SUGCT: variants seen among roughly 807,000 people sequenced by gnomAD.
The protein encoded by SUGCT is succinyl-CoA:glutarate-CoA transferase.
In SUGCT, 41 loss-of-function variants were observed where a neutral mutation model predicts 55.0. That is an observed-to-expected ratio of 0.74 (90% CI 0.58 to 0.97). The LOEUF is 0.97. Ranked by LOEUF, SUGCT falls within the 50% of genes least tolerant of loss-of-function variation. The pLI is 0.00. For synonymous variants in SUGCT, 187 were observed against 200.4 expected, an observed-to-expected ratio of 0.93 and a Z score of 0.56; for missense variants, 568 against 547.8, an observed-to-expected ratio of 1.04 and a Z score of -0.37.
At chr7:40,311,602 C>G (rs747368175) in intron 8 of SUGCT, among the ~76,000 whole-genome samples, 6 of 152,066 alleles carry the variant, frequency 3.9e-5, no homozygotes, top group Non-Finnish European at 8.8e-5. Flanking sequence ...CTATGCCAAC[C>G]CCTTTCCTGC....
chr7:40,379,663 G>A (rs1383335261), intron 9 of SUGCT, among the ~76,000 whole-genome samples: 1 of 152,148 alleles, frequency 6.6e-6, no homozygotes, highest in Non-Finnish European at 1.5e-5. Context: ...CTGTCTTCAA[G>A]TATTTGCTGA....
chr7:40,904,033 C>T, the SUGCT span, among the ~76,000 whole-genome samples: 285 of 152,304 alleles, frequency 1.9e-3, 3 homozygotes, highest in Middle Eastern at 0.02. Flanking sequence ...CCTTCCTAGC[C>T]GGCCAACCAC....
rs114862234 is a variant in SUGCT, at chr7:40,242,690, G to C, written c.576+4964G>C. 4.6e-3 allele frequency among the ~76,000 whole-genome samples: 699 copies of C among 151,478 alleles called. 6 individuals are homozygous for C. Among genetic ancestry groups the C allele is most frequent in the African/African-American group, 0.016 (667 of 41,344 alleles). On this transcript the variant is annotated intron_variant, in intron 7 of 13. Transcript: ENST00000335693. Reference sequence around the variant, plus strand: ...TTACGATGTAGTAAATAGTCCATTTGAAAGAGTGGGAGAGCACTCAAAGAG... The same window carrying C: ...TTACGATGTAGTAAATAGTCCATTTCAAAGAGTGGGAGAGCACTCAAAGAG...
intron 5 of SUGCT, among the ~76,000 whole-genome samples, chr7:40,192,756 C>T (rs961561720): frequency 1.7e-4 from 26 of 151,326 alleles, no homozygotes; most frequent in African/African-American, 4.8e-4. Flanking sequence ...CTCAGCCTCC[C>T]GAGTAGCTGG....
At position 40,815,024 on chromosome 7, in the gene SUGCT, CT is replaced by C. The variant is rs533426046; in HGVS notation, c.1154-45290del. Among the ~76,000 whole-genome samples the C allele has an allele frequency of 1.2e-4, 19 of 152,298 alleles. No individual in the cohort carries two copies. In the South Asian group the frequency reaches 3.7e-3, roughly 30 times the overall value. ...TGGGCTCTGCAGTTTGACCTACAAGCTTGTAGATGGCGCTTATAGGTAAGAG... is the reference window on the plus strand; with the variant it reads ...TGGGCTCTGCAGTTTGACCTACAAGCTGTAGATGGCGCTTATAGGTAAGAG... On this transcript the variant is annotated intron_variant, in intron 13 of 13. Coordinates refer to ENST00000335693, the MANE Select transcript of SUGCT (RefSeq NM_001193313.2).
At chr7:40,323,469 C>T (rs1795853434) in intron 9 of SUGCT, among the ~76,000 whole-genome samples, 1 of 152,044 alleles carries the variant, frequency 6.6e-6, no homozygotes, top group African/African-American at 2.4e-5. Flanking sequence ...GTGATCATAG[C>T]ACATTGCAGC....
chr7:40,246,826 T>C (rs1789915732), intron 7 of SUGCT, among the ~76,000 whole-genome samples: 1 of 151,602 alleles, frequency 6.6e-6, no homozygotes, highest in Admixed American at 6.6e-5. Flanking sequence ...CTTGAACTCC[T>C]GGTCTCCAGC....
chr7:40,942,907 T>C, the SUGCT span, among the ~76,000 whole-genome samples: 1 of 152,142 alleles, frequency 6.6e-6, no homozygotes, highest in Admixed American at 6.5e-5. Context: ...TTTCCAGAAG[T>C]TCTGATTACT....
At chr7:40,958,374 T>A in the SUGCT span, among the ~76,000 whole-genome samples, 1 of 151,952 alleles carries the variant, frequency 6.6e-6, no homozygotes, top group South Asian at 2.1e-4. Flanking sequence ...TCATTCTTTT[T>A]TCTCTAATCT....
intron 7 of SUGCT, among the ~76,000 whole-genome samples, chr7:40,243,801 T>A (rs1330058332): frequency 2.0e-5 from 3 of 152,186 alleles, no homozygotes; most frequent in African/African-American, 7.2e-5. Context: ...CCTCACAATT[T>A]AAAAAAACTT....
chr7:40,577,722 C>T (rs1046732769), intron 12 of SUGCT, among the ~76,000 whole-genome samples: 3 of 152,096 alleles, frequency 2.0e-5, no homozygotes, highest in African/African-American at 4.8e-5. Context: ...ATTTCCCCTT[C>T]GCTTTCCAGT....
chr7:40,540,750 T>G (rs1043524408), intron 12 of SUGCT, among the ~76,000 whole-genome samples: 1 of 152,246 alleles, frequency 6.6e-6, no homozygotes, highest in African/African-American at 2.4e-5. Flanking sequence ...TCCCTGCACA[T>G]GGGACCGAGG....
At chr7:40,695,228 G>T (rs765064429) in intron 12 of SUGCT, among the ~76,000 whole-genome samples, 43 of 148,326 alleles carry the variant, frequency 2.9e-4, no homozygotes, top group Admixed American at 6.1e-4. Flanking sequence ...TTGAGACAGG[G>T]TCTCTGCTGC....
At chr7:40,917,527 A>G in the SUGCT span, among the ~76,000 whole-genome samples, 6 of 152,174 alleles carry the variant, frequency 3.9e-5, no homozygotes, top group Admixed American at 1.3e-4. Context: ...GGGCCTTGCC[A>G]TCATCTGCAT....
chr7:40,995,205 G>A, the SUGCT span, among the ~76,000 whole-genome samples: 59 of 151,982 alleles, frequency 3.9e-4, no homozygotes, highest in Non-Finnish European at 7.2e-4. Context: ...AGAGTCAACC[G>A]TTTGCCCAGA....
intron 9 of SUGCT, among the ~76,000 whole-genome samples, chr7:40,327,931 A>T (rs1368233490): frequency 6.6e-6 from 1 of 152,182 alleles, no homozygotes; most frequent in Non-Finnish European, 1.5e-5. Flanking sequence ...CCACTTTCAC[A>T]TGTGGAAACT....
At chr7:40,393,472 G>A (rs150810635) in intron 9 of SUGCT, among the ~76,000 whole-genome samples, 565 of 152,272 alleles carry the variant, frequency 3.7e-3, no homozygotes, top group African/African-American at 0.013. Flanking sequence ...ATGTTGGATT[G>A]GGACTTGAGG....
At chr7:40,755,411 A>G (rs1449519062) in intron 13 of SUGCT, among the ~76,000 whole-genome samples, 1 of 152,268 alleles carries the variant, frequency 6.6e-6, no homozygotes, top group Non-Finnish European at 1.5e-5. Flanking sequence ...TTTACATCAC[A>G]GCATTTCTGC....
chr7:40,948,004 C>G, the SUGCT span, among the ~76,000 whole-genome samples: 7 of 152,296 alleles, frequency 4.6e-5, no homozygotes, highest in South Asian at 2.1e-4. Context: ...GCCGATGAAG[C>G]CTCTATTGAC....
Sources: allele counts gnomAD v4.1 joint callset (sites outside exome capture counted in the v4.1 genomes callset), GRCh38; gene constraint gnomAD v4.1.1; transcripts MANE v1.5; gene names NCBI Gene and HGNC (gene_info 2026-07-23, HGNC 2026-07-21).